The following SPAG16 variants were observed in gnomAD, a reference collection of about 807,000 sequenced individuals.
SPAG16 encodes sperm-associated antigen 16 protein.
In SPAG16, 86 loss-of-function variants were observed where a neutral mutation model predicts 80.4. The observed-to-expected ratio is 1.07, with a 90% CI of 0.90 to 1.28. SPAG16 has a LOEUF of 1.28. Among genes scored for constraint, SPAG16 ranks in the 50% most tolerant of loss-of-function variants. The pLI is 0.00. For synonymous variants in SPAG16, 294 were observed against 265.9 expected (o/e 1.11, Z -1.03); for missense variants, 870 against 765.3 (o/e 1.14, Z -1.61).
intron 15 of SPAG16, among the ~76,000 whole-genome samples, chr2:214,267,975 A>G (rs1425854950): frequency 6.6e-6 from 1 of 151,920 alleles, no homozygotes; most frequent in African/African-American, 2.4e-5. Context: ...CTACTTAATA[A>G]GTAGAAAAAC....
At chr2:213,426,167 G>T (rs192138778) in intron 9 of SPAG16, among the ~76,000 whole-genome samples, 1 of 152,176 alleles carries the variant, frequency 6.6e-6, no homozygotes, top group Admixed American at 6.5e-5. Context: ...ATTTATAAAT[G>T]ATCTTTATTG....
At chr2:213,378,491 A>G (rs1001354899) in intron 9 of SPAG16, among the ~76,000 whole-genome samples, 1 of 151,814 alleles carries the variant, frequency 6.6e-6, no homozygotes, top group African/African-American at 2.4e-5. Flanking sequence ...ATACTATTAC[A>G]TAAAGTTAAC....
At chr2:214,054,542 C>T (rs1303842958) in intron 13 of SPAG16, among the ~76,000 whole-genome samples, 1 of 151,960 alleles carries the variant, frequency 6.6e-6, no homozygotes, top group Non-Finnish European at 1.5e-5. Flanking sequence ...TAACAGACCC[C>T]AATGAAGAAA....
intron 15 of SPAG16, among the ~76,000 whole-genome samples, chr2:214,325,926 A>T (rs6725725): frequency 0.065 from 9,818 of 152,204 alleles, 1,032 homozygotes; most frequent in African/African-American, 0.22. Context: ...CTCCATGAGC[A>T]TAGGAATCAT....
chr2:214,170,948 C>T (rs535445395), intron 15 of SPAG16, among the ~76,000 whole-genome samples: 1 of 151,910 alleles, frequency 6.6e-6, no homozygotes, highest in South Asian at 2.1e-4. Flanking sequence ...AACTCTAGTC[C>T]CAATATCATT....
intron 11 of SPAG16, among the ~76,000 whole-genome samples, chr2:213,910,576 C>T (rs1157788328): frequency 3.2e-5 from 1 of 31,542 alleles, no homozygotes; most frequent in Non-Finnish European, 1.3e-4. Context: ...GCAAGCTCCG[C>T]CTCCCGGGTT....
intron 10 of SPAG16, among the ~76,000 whole-genome samples, chr2:213,739,509 A>T (rs75905324): frequency 0.015 from 2,315 of 152,322 alleles, 162 homozygotes; most frequent in Admixed American, 0.11. Context: ...ATCTAGGCAT[A>T]CTTATTTAGT....
intron 10 of SPAG16, among the ~76,000 whole-genome samples, chr2:213,828,580 G>A (rs1323743026): frequency 6.6e-6 from 1 of 152,112 alleles, no homozygotes; most frequent in African/African-American, 2.4e-5. Flanking sequence ...TGATGCTTGT[G>A]GATATACTTC....
Position 214,201,144 on chromosome 2 carries a change from G to A in SPAG16, c.1720+51878G>A, listed in dbSNP as rs1218375175. 3.3e-5 allele frequency among the ~76,000 whole-genome samples: 5 copies of A among 152,210 alleles called. No individual in the cohort carries two copies. The East Asian group carries it at 5.8e-4, about 18-fold the overall frequency. The stretch of plus-strand genomic sequence containing the variant: ...GTAAATGTCTCTTTTTCTAAAGACG[G>A]AGCCAAATTTGTCTACAGGGCCACA... On this transcript the variant is annotated intron_variant, in intron 15 of 15. Coordinates refer to ENST00000331683, the MANE Select transcript of SPAG16 (RefSeq NM_024532.5).
intron 13 of SPAG16, among the ~76,000 whole-genome samples, chr2:214,052,094 T>G (rs1050641015): frequency 6.6e-6 from 1 of 152,214 alleles, no homozygotes; most frequent in Non-Finnish European, 1.5e-5. Flanking sequence ...GGACAATGAT[T>G]TTATTTACTT....
intron 6 of SPAG16, among the ~76,000 whole-genome samples, chr2:213,349,079 A>G (rs1397710197): frequency 6.6e-6 from 1 of 152,200 alleles, no homozygotes; most frequent in East Asian, 1.9e-4. Context: ...GGATTTCTCA[A>G]ATATTTGGAA....
intron 10 of SPAG16, among the ~76,000 whole-genome samples, chr2:213,676,932 T>G (rs2064111950): frequency 6.6e-6 from 1 of 151,380 alleles, no homozygotes; most frequent in African/African-American, 2.4e-5. Context: ...CTTTTTCTAT[T>G]GATTGGAATA....
chr2:213,523,042 C>T (rs991839749), intron 10 of SPAG16, among the ~76,000 whole-genome samples: 2 of 152,008 alleles, frequency 1.3e-5, no homozygotes, highest in Non-Finnish European at 2.9e-5. Context: ...TTCCCAATTA[C>T]TAATTGATAT....
chr2:214,076,547 G>GTC (rs1410633705), intron 13 of SPAG16, among the ~76,000 whole-genome samples: 7 of 129,704 alleles, frequency 5.4e-5, no homozygotes, highest in African/African-American at 1.2e-4. Context: ...GTGTGTCTGT[G>GTC]TGTGTGTGTG....
intron 12 of SPAG16, among the ~76,000 whole-genome samples, chr2:213,976,164 A>G (rs2045380794): frequency 6.7e-6 from 1 of 148,854 alleles, no homozygotes; most frequent in Admixed American, 6.7e-5. Context: ...ACGTATGTAT[A>G]TACATATATA....
chr2:214,208,510 C>T (rs1302647098), intron 15 of SPAG16, among the ~76,000 whole-genome samples: 1 of 152,060 alleles, frequency 6.6e-6, no homozygotes, highest in Non-Finnish European at 1.5e-5. Flanking sequence ...CAGTTGAAGA[C>T]TTTATTTTGT....
At chr2:214,316,620 A>G (rs1695715056) in intron 15 of SPAG16, among the ~76,000 whole-genome samples, 1 of 152,194 alleles carries the variant, frequency 6.6e-6, no homozygotes, top group African/African-American at 2.4e-5. Flanking sequence ...TGAATAAAAT[A>G]ACTTTTATAG....
intron 11 of SPAG16, among the ~76,000 whole-genome samples, chr2:213,871,249 G>A (rs1187377585): frequency 6.6e-6 from 1 of 151,982 alleles, no homozygotes; most frequent in Admixed American, 6.6e-5. Flanking sequence ...GGCAGAATAA[G>A]GACGTTCAAA....
intron 11 of SPAG16, among the ~76,000 whole-genome samples, chr2:213,865,647 A>G (rs1359392961): frequency 1.3e-5 from 2 of 149,092 alleles, no homozygotes; most frequent in African/African-American, 4.9e-5. Flanking sequence ...TGTATGTTAT[A>G]TACCTATGAA....
Sources: gnomAD v4.1 joint callset for allele counts (sites outside exome capture counted in the v4.1 genomes callset) on GRCh38, gnomAD v4.1.1 for gene constraint, MANE v1.5 for transcripts, NCBI Gene and HGNC (gene_info 2026-07-23, HGNC 2026-07-21) for gene names.